Variants in OXR1 observed in about 807,000 individuals in gnomAD.
OXR1 encodes oxidation resistance protein 1.
OXR1 carries 41 observed loss-of-function variants against 104.6 expected under a neutral mutation model. The ratio of observed to expected loss-of-function variants is 0.39; its 90% CI spans 0.31 to 0.51. The LOEUF is 0.51. Ranked by LOEUF, OXR1 falls within the 20% of genes least tolerant of loss-of-function variation. The pLI is 0.77. For synonymous variants in OXR1, 348 were observed against 348.4 expected (o/e 1.00, Z 0.01); for missense variants, 955 against 1,031.9 (o/e 0.93, Z 1.02).
chr8:106,493,269 C>T (rs1040480174), intron 2 of OXR1, among the ~76,000 whole-genome samples: 4 of 152,176 alleles, frequency 2.6e-5, no homozygotes, highest in South Asian at 2.1e-4. Flanking sequence ...CTGCCTCTGT[C>T]GGGTTCCAGT....
intron 3 of OXR1, among the ~76,000 whole-genome samples, chr8:106,584,680 T>A (rs1476681801): frequency 6.6e-6 from 1 of 152,112 alleles, no homozygotes; most frequent in Admixed American, 6.6e-5. Context: ...AATAAAGCCA[T>A]TTTCATATAT....
At chr8:106,370,594 G>A (rs909708925) in intron 2 of OXR1, among the ~76,000 whole-genome samples, 2 of 152,162 alleles carry the variant, frequency 1.3e-5, no homozygotes, top group African/African-American at 4.8e-5. Flanking sequence ...TTTATTGAGA[G>A]TTTTTAACAT....
chr8:106,392,971 A>G (rs1053456949), intron 2 of OXR1, among the ~76,000 whole-genome samples: 1 of 152,146 alleles, frequency 6.6e-6, no homozygotes, highest in African/African-American at 2.4e-5. Flanking sequence ...TCCTTTTAGA[A>G]CCATATTGCT....
At chr8:106,610,081 G>C (rs922309155) in intron 3 of OXR1, among the ~76,000 whole-genome samples, 1 of 149,968 alleles carries the variant, frequency 6.7e-6, no homozygotes, top group Non-Finnish European at 1.5e-5. Context: ...TTTCACAGGT[G>C]TTTTAAAATC....
At chr8:106,278,340 T>G (rs1812144219) in intron 1 of OXR1, among the ~76,000 whole-genome samples, 4 of 152,212 alleles carry the variant, frequency 2.6e-5, no homozygotes, top group Admixed American at 2.6e-4. Context: ...ATTGTTAATC[T>G]AACATCCCGT....
chr8:106,297,108 G>T (rs1813029971), intron 1 of OXR1, among the ~76,000 whole-genome samples: 1 of 152,000 alleles, frequency 6.6e-6, no homozygotes, highest in Admixed American at 6.6e-5. Context: ...TGATTCCACT[G>T]TATTATGAAT....
intron 2 of OXR1, among the ~76,000 whole-genome samples, chr8:106,394,702 C>T (rs2186401): frequency 0.59 from 90,003 of 151,846 alleles, 27,316 homozygotes; most frequent in Middle Eastern, 0.66. Context: ...TTTGACTTCA[C>T]TTATTTTAGG....
At chr8:106,607,853 G>A (rs1451546647) in intron 3 of OXR1, among the ~76,000 whole-genome samples, 1 of 150,798 alleles carries the variant, frequency 6.6e-6, no homozygotes, top group Non-Finnish European at 1.5e-5. Context: ...GGGACATAGA[G>A]AACTTTATGT....
chr8:106,379,850 G>A (rs1410168176), intron 2 of OXR1, among the ~76,000 whole-genome samples: 1 of 151,696 alleles, frequency 6.6e-6, no homozygotes, highest in African/African-American at 2.4e-5. Flanking sequence ...GTCCAAACCT[G>A]GATTCTTCAT....
chr8:106,557,281 T>G (rs1816355127), intron 3 of OXR1, among the ~76,000 whole-genome samples: 1 of 152,216 alleles, frequency 6.6e-6, no homozygotes, highest in Non-Finnish European at 1.5e-5. Flanking sequence ...TTGCTATTCT[T>G]TTTAAGGTAA....
At position 106,369,754 on chromosome 8, in the gene OXR1, A is replaced by G. The variant is rs576597508; in HGVS notation, c.23+10118A>G. 1.8e-4 allele frequency among the ~76,000 whole-genome samples: 28 copies of G among 152,222 alleles called. No homozygotes were observed. The East Asian group carries it at 4.2e-3, about 23-fold the overall frequency. On this transcript the variant is annotated intron_variant, in intron 2 of 16. Transcript: ENST00000517566. ...AGTCTCTGTTCTGCTCCATTGGTCTATATGTCTATTTTGGTACAAGTACCA... is the reference window on the plus strand; with the variant it reads ...AGTCTCTGTTCTGCTCCATTGGTCTGTATGTCTATTTTGGTACAAGTACCA...
At chr8:106,730,842 T>A (rs1833820718) in intron 11 of OXR1, among the ~76,000 whole-genome samples, 1 of 149,748 alleles carries the variant, frequency 6.7e-6, no homozygotes. Flanking sequence ...GTGGGAGGAG[T>A]TTGCGATCAG....
At chr8:106,344,149 CA>C (rs1815376854) in intron 1 of OXR1, among the ~76,000 whole-genome samples, 1 of 152,150 alleles carries the variant, frequency 6.6e-6, no homozygotes, top group South Asian at 2.1e-4. Context: ...ATAGAAATGT[CA>C]AAATGGGTGG....
At chr8:106,735,290 A>G (rs1834267931) in intron 11 of OXR1, among the ~76,000 whole-genome samples, 1 of 151,978 alleles carries the variant, frequency 6.6e-6, no homozygotes, top group Admixed American at 6.5e-5. Context: ...GGAAGCAGAA[A>G]GTTTTTAAGT....
chr8:106,521,774 A>T (rs1038871767), intron 3 of OXR1, among the ~76,000 whole-genome samples: 1 of 152,132 alleles, frequency 6.6e-6, no homozygotes, highest in Non-Finnish European at 1.5e-5. Context: ...AGCCTCCCAA[A>T]GTGCTGGGGT....
At chr8:106,668,987 G>A (rs1416352784) in intron 3 of OXR1, among the ~76,000 whole-genome samples, 1 of 152,088 alleles carries the variant, frequency 6.6e-6, no homozygotes, top group East Asian at 1.9e-4. Flanking sequence ...CTGGTCCCTG[G>A]AACACACTTT....
chr8:106,426,179 C>G (rs1362141965), intron 2 of OXR1, among the ~76,000 whole-genome samples: 1 of 152,096 alleles, frequency 6.6e-6, no homozygotes, highest in Non-Finnish European at 1.5e-5. Context: ...CCCCCTCTGA[C>G]CTATTATGAG....
chr8:106,518,319 A>G (rs1586749056), intron 2 of OXR1, among the ~76,000 whole-genome samples: 1 of 152,188 alleles, frequency 6.6e-6, no homozygotes, highest in Admixed American at 6.5e-5. Flanking sequence ...ACTCACCATC[A>G]TTTACAATGA....
At chr8:106,338,879 T>C (rs1470450984) in intron 1 of OXR1, among the ~76,000 whole-genome samples, 1 of 152,010 alleles carries the variant, frequency 6.6e-6, no homozygotes, top group African/African-American at 2.4e-5. Context: ...TCACCCACTC[T>C]CTCTCTCTTT....
Sources: allele counts gnomAD v4.1 joint callset (sites outside exome capture counted in the v4.1 genomes callset), GRCh38; gene constraint gnomAD v4.1.1; transcripts MANE v1.5; gene names NCBI Gene and HGNC (gene_info 2026-07-23, HGNC 2026-07-21).